Variants in KIAA0586 observed in about 807,000 individuals in gnomAD.
KIAA0586 encodes the protein KIAA0586, also known as protein TALPID3.
A neutral mutation model predicts 169.8 loss-of-function variants in KIAA0586; 144 were observed. That is an observed-to-expected ratio of 0.85 (90% CI 0.74 to 0.97). KIAA0586 has a LOEUF of 0.97. KIAA0586 is among the 50% of genes least tolerant of loss of function. The probability of loss-of-function intolerance (pLI) is 0.00; values close to 1 mark genes in which losing one functional copy is unlikely to be tolerated. For synonymous variants in KIAA0586, 625 were observed against 612.4 expected (o/e 1.02, Z -0.30); for missense variants, 1,854 against 1,823.0 (o/e 1.02, Z -0.31).
chr14:58,521,254 C>A (rs557056126), intron 29 of KIAA0586: 2 of 1,129,192 alleles, frequency 1.8e-6, no homozygotes, highest in South Asian at 2.5e-5. Flanking sequence ...AAGACGGATC[C>A]TCACTCCATG....
At chr14:58,480,671 C>G (rs1380356368) in intron 20 of KIAA0586, among the ~76,000 whole-genome samples, 2 of 152,160 alleles carry the variant, frequency 1.3e-5, no homozygotes, top group African/African-American at 4.8e-5. Context: ...ATTATTTGTT[C>G]TATTTTCTTT....
At chr14:58,471,659 CCTT>C (rs1255520377) in intron 17 of KIAA0586, among the ~76,000 whole-genome samples, 1 of 151,742 alleles carries the variant, frequency 6.6e-6, no homozygotes, top group African/African-American at 2.4e-5. Context: ...TTTTTTTTAA[CCTT>C]CTGTTTATTG....
chr14:58,443,879 A>G, intron 5 of KIAA0586, 75 bp from the exon 6 acceptor site: 1 of 882,496 alleles, frequency 1.1e-6, no homozygotes, highest in East Asian at 2.7e-5. Flanking sequence ...ATTGATTTAA[A>G]TAACATTTCT....
At chr14:58,556,262 G>T (rs1167000122), downstream of KIAA0586, among the ~76,000 whole-genome samples, 1 of 152,220 alleles carries the variant, frequency 6.6e-6, no homozygotes, top group Non-Finnish European at 1.5e-5. Context: ...AGCCCATGGA[G>T]CAGCTTTGAT....
At chr14:58,478,823 T>A (rs921428328) in intron 20 of KIAA0586, among the ~76,000 whole-genome samples, 2 of 152,238 alleles carry the variant, frequency 1.3e-5, no homozygotes, top group Admixed American at 1.3e-4. Context: ...ATTTCATACA[T>A]ATGTAATCAT....
downstream of KIAA0586, among the ~76,000 whole-genome samples, chr14:58,553,536 G>GTTT (rs111508643): frequency 0.016 from 2,284 of 144,392 alleles, 71 homozygotes; most frequent in African/African-American, 0.055. Context: ...AAATATCTGG[G>GTTT]TTTTTTTTTT....
At chr14:58,496,710 G>A (rs1031946850) in intron 26 of KIAA0586, among the ~76,000 whole-genome samples, 1 of 152,082 alleles carries the variant, frequency 6.6e-6, no homozygotes, top group Non-Finnish European at 1.5e-5. Context: ...ATCATCAAAG[G>A]TGTTTCAGCA....
downstream of KIAA0586, among the ~76,000 whole-genome samples, chr14:58,555,555 G>A (rs1299043785): frequency 6.6e-6 from 1 of 151,982 alleles, no homozygotes; most frequent in East Asian, 1.9e-4. Flanking sequence ...TTACCTTTTC[G>A]GTTATAACTG....
chr14:58,443,205 C>G (rs1179330092), intron 5 of KIAA0586, among the ~76,000 whole-genome samples: 1 of 152,238 alleles, frequency 6.6e-6, no homozygotes, highest in African/African-American at 2.4e-5. Context: ...TAGAGATAAT[C>G]TATGCCTTAG....
At chr14:58,466,768 A>C (rs1055594412) in intron 15 of KIAA0586, among the ~76,000 whole-genome samples, 1 of 152,224 alleles carries the variant, frequency 6.6e-6, no homozygotes, top group Non-Finnish European at 1.5e-5. Flanking sequence ...GACATTCATA[A>C]TAATTCAATA....
At chr14:58,445,151 A>G (rs954119947) in intron 6 of KIAA0586, among the ~76,000 whole-genome samples, 1 of 151,568 alleles carries the variant, frequency 6.6e-6, no homozygotes, top group African/African-American at 2.4e-5. Context: ...ACACACACAT[A>G]TACACATACA....
chr14:58,521,193 G>T (rs2045194935), intron 29 of KIAA0586: 5 of 775,844 alleles, frequency 6.4e-6, no homozygotes, highest in Non-Finnish European at 8.3e-6. Flanking sequence ...TACATTTTTG[G>T]CTTTGTGAGA....
intron 4 of KIAA0586, among the ~76,000 whole-genome samples, chr14:58,432,702 T>C (rs527975254): frequency 6.6e-6 from 1 of 152,308 alleles, no homozygotes; most frequent in African/African-American, 2.4e-5. Context: ...CCCAATTTTA[T>C]AGAATCCCCA....
intron 19 of KIAA0586, among the ~76,000 whole-genome samples, chr14:58,475,403 C>T (rs2041538608): frequency 6.6e-6 from 1 of 151,978 alleles, no homozygotes; most frequent in Admixed American, 6.6e-5. Context: ...CCACCCCTGC[C>T]CTGGTCTGTG....
chr14:58,451,989 G>A (rs548837550), intron 8 of KIAA0586, among the ~76,000 whole-genome samples: 1 of 152,226 alleles, frequency 6.6e-6, no homozygotes, highest in African/African-American at 2.4e-5. Flanking sequence ...GGCCATATAT[G>A]AACTTTTTAA....
At chr14:58,558,948 A>G in the KIAA0586 span, among the ~76,000 whole-genome samples, 1 of 152,246 alleles carries the variant, frequency 6.6e-6, no homozygotes, top group African/African-American at 2.4e-5. Context: ...ATAAGGATCA[A>G]TCTGAATCTT....
In KIAA0586 at chr14:58,489,843, G is replaced by A. The variant is rs533353600; in HGVS notation, c.3782-321G>A. ...TTTCTTTGCTCTAAGTTCTAGAAAG[G>A]ATTTTTAGCTCTTAATCAGTTTTAA... On this transcript the variant is annotated intron_variant, in intron 24 of 30. Transcript: ENST00000652326. Among the ~76,000 whole-genome samples, 4 of 152,018 alleles carry A rather than the reference G, an allele frequency of 2.6e-5. No individual in the cohort carries two copies. The South Asian group carries it at 6.2e-4, about 24-fold the overall frequency.
rs933430198 is a variant in KIAA0586, at chr14:58,433,916, T to C, written c.410+1459T>C. Among the ~76,000 whole-genome samples, 4 of 151,994 alleles carry C rather than the reference T, an allele frequency of 2.6e-5. No individual in the cohort carries two copies. In the South Asian group the frequency reaches 6.2e-4, roughly 24 times the overall value. ...TGGGAGGCTGAGGTGGAAGGATCAC[T>C]TGGGCCTAGGAGTTTGAGGATGCCA... On this transcript the variant is annotated intron_variant, in intron 4 of 30. Coordinates refer to ENST00000652326, the MANE Select transcript of KIAA0586 (RefSeq NM_001329943.3).
chr14:58,513,606 C>T (rs994651908), intron 29 of KIAA0586, among the ~76,000 whole-genome samples: 8 of 151,244 alleles, frequency 5.3e-5, no homozygotes, highest in Non-Finnish European at 1.2e-4. Flanking sequence ...CACCATAGTA[C>T]GTTAATATTA....
Sources: allele counts gnomAD v4.1 joint callset (sites outside exome capture counted in the v4.1 genomes callset), GRCh38; gene constraint gnomAD v4.1.1; transcripts MANE v1.5; gene names NCBI Gene and HGNC (gene_info 2026-07-23, HGNC 2026-07-21).